The following STARD13 variants were observed in gnomAD, a reference collection of about 807,000 sequenced individuals.
The protein encoded by STARD13 is stAR-related lipid transfer protein 13.
Under a neutral mutation model 106.4 loss-of-function variants are expected in STARD13, and 62 were observed. The observed-to-expected ratio is 0.58, with a 90% confidence interval of 0.48 to 0.72. The LOEUF is 0.72. STARD13 is among the 30% of genes least tolerant of loss of function. The probability of loss-of-function intolerance (pLI) is 0.00; values close to 1 mark genes in which losing one functional copy is unlikely to be tolerated. For missense variants in STARD13, 1,387 were observed against 1,424.0 expected, an observed-to-expected ratio of 0.97 and a Z score of 0.42; for synonymous variants, 565 against 553.0, an observed-to-expected ratio of 1.02 and a Z score of -0.31.
At chr13:33,222,587 A>G (rs537320426) in intron 1 of STARD13, among the ~76,000 whole-genome samples, 2 of 152,220 alleles carry the variant, frequency 1.3e-5, no homozygotes, top group East Asian at 3.9e-4. Flanking sequence ...CCAATATATA[A>G]TATTAGCAGA....
chr13:33,527,219 CT>C, the STARD13 span, among the ~76,000 whole-genome samples: 10 of 151,134 alleles, frequency 6.6e-5, no homozygotes, highest in Admixed American at 4.0e-4. Flanking sequence ...ATTTTTCAAA[CT>C]TTTTTTTTAT....
intron 1 of STARD13, among the ~76,000 whole-genome samples, chr13:33,321,176 T>G (rs1893546213): frequency 1.3e-5 from 2 of 152,150 alleles, no homozygotes; most frequent in South Asian, 4.1e-4. Flanking sequence ...CTCCACCTAG[T>G]AAACCTGATT....
chr13:33,431,636 T>C, the STARD13 span, among the ~76,000 whole-genome samples: 9 of 152,196 alleles, frequency 5.9e-5, no homozygotes, highest in Non-Finnish European at 1.3e-4. Flanking sequence ...ATTAAAGTGT[T>C]GGTCTTAGTT....
chr13:33,391,653 A>G, the STARD13 span, among the ~76,000 whole-genome samples: 1 of 152,160 alleles, frequency 6.6e-6, no homozygotes, highest in Non-Finnish European at 1.5e-5. Flanking sequence ...AAAGACACTT[A>G]GGACAGCTCA....
the STARD13 span, among the ~76,000 whole-genome samples, chr13:33,519,273 T>TCTTTC: frequency 7.3e-6 from 1 of 136,426 alleles, no homozygotes; most frequent in Non-Finnish European, 1.6e-5. Context: ...TCTTTCTTTC[T>TCTTTC]TTTCTTTCTC....
the STARD13 span, among the ~76,000 whole-genome samples, chr13:33,443,264 C>G: frequency 6.6e-6 from 1 of 151,810 alleles, no homozygotes; most frequent in African/African-American, 2.4e-5. Context: ...GTAGTTCCAG[C>G]TACTCGGGAG....
chr13:33,473,472 A>G, the STARD13 span, among the ~76,000 whole-genome samples: 22 of 152,336 alleles, frequency 1.4e-4, no homozygotes, highest in East Asian at 3.9e-3. Flanking sequence ...CACTGAGACA[A>G]TGAGTATTGC....
the STARD13 span, among the ~76,000 whole-genome samples, chr13:33,654,072 T>G: frequency 6.6e-6 from 1 of 152,192 alleles, no homozygotes. Context: ...CCTCATACAT[T>G]GCTAGTGAGA....
the STARD13 span, among the ~76,000 whole-genome samples, chr13:33,441,961 T>C: frequency 6.6e-6 from 1 of 152,194 alleles, no homozygotes; most frequent in East Asian, 1.9e-4. Context: ...CTTCAGACAT[T>C]TGTGACACAC....
the STARD13 span, among the ~76,000 whole-genome samples, chr13:33,471,997 G>A: frequency 2.4e-4 from 37 of 152,128 alleles, 1 homozygote; most frequent in Middle Eastern, 0.014. Flanking sequence ...TAAAAGCCTG[G>A]TGAGTGAAAT....
chr13:33,585,513 A>T, the STARD13 span, among the ~76,000 whole-genome samples: 3 of 152,154 alleles, frequency 2.0e-5, no homozygotes, highest in Non-Finnish European at 2.9e-5. Flanking sequence ...GGGCAACATG[A>T]TGAAACCCAG....
the STARD13 span, among the ~76,000 whole-genome samples, chr13:33,409,061 A>G: frequency 6.6e-6 from 1 of 151,582 alleles, no homozygotes; most frequent in Non-Finnish European, 1.5e-5. Context: ...CTCATATTAT[A>G]TATTTTCTTG....
chr13:33,343,586 A>AAAC (rs2077985004), intron 1 of STARD13, among the ~76,000 whole-genome samples: 1 of 95,200 alleles, frequency 1.1e-5, no homozygotes, highest in Non-Finnish European at 2.1e-5. Flanking sequence ...TTAAAAAAAA[A>AAAC]AAAAAAAAAA....
At chr13:33,300,326 A>G (rs933626901) in intron 1 of STARD13, among the ~76,000 whole-genome samples, 3 of 152,216 alleles carry the variant, frequency 2.0e-5, no homozygotes, top group African/African-American at 4.8e-5. Context: ...AGAACTTTGA[A>G]GCAAGTTCAA....
the STARD13 span, among the ~76,000 whole-genome samples, chr13:33,414,689 G>C: frequency 6.6e-6 from 1 of 152,092 alleles, no homozygotes. Context: ...AGAACAGGAG[G>C]ATCCTTGTGG....
the STARD13 span, among the ~76,000 whole-genome samples, chr13:33,386,347 C>T: frequency 6.6e-6 from 1 of 152,158 alleles, no homozygotes; most frequent in Non-Finnish European, 1.5e-5. Context: ...GTTAAATCAC[C>T]CTGCCTTCCT....
At chr13:33,388,518 A>G in the STARD13 span, among the ~76,000 whole-genome samples, 29 of 152,266 alleles carry the variant, frequency 1.9e-4, no homozygotes, top group Admixed American at 5.2e-4. Context: ...CTCAAAGCCT[A>G]TAGAAGTTGG....
chr13:33,563,697 A>G, the STARD13 span, among the ~76,000 whole-genome samples: 3 of 147,774 alleles, frequency 2.0e-5, no homozygotes, highest in Non-Finnish European at 4.5e-5. Flanking sequence ...CATGAAAAGC[A>G]CAGGCAACAA....
At chr13:33,478,881 A>T in the STARD13 span, among the ~76,000 whole-genome samples, 1 of 152,176 alleles carries the variant, frequency 6.6e-6, no homozygotes, top group East Asian at 1.9e-4. Context: ...ATGCCACTAT[A>T]CTCCAGCCTG....
Sources: allele counts gnomAD v4.1 joint callset (sites outside exome capture counted in the v4.1 genomes callset), GRCh38; gene constraint gnomAD v4.1.1; transcripts MANE v1.5; gene names NCBI Gene and HGNC (gene_info 2026-07-23, HGNC 2026-07-21).